SUMF1: variants seen among roughly 807,000 people sequenced by gnomAD.
SUMF1 encodes formylglycine-generating enzyme.
In SUMF1, 48 loss-of-function variants were observed where a neutral mutation model predicts 47.6. The ratio of observed to expected loss-of-function variants is 1.01; its 90% CI spans 0.80 to 1.28. SUMF1 has a LOEUF of 1.28. Among genes scored for constraint, SUMF1 ranks in the 50% most tolerant of loss-of-function variants. The pLI is 0.00. For synonymous variants in SUMF1, 230 were observed against 192.1 expected, an observed-to-expected ratio of 1.20 and a Z score of -1.63; for missense variants, 571 against 485.4, an observed-to-expected ratio of 1.18 and a Z score of -1.66.
chr3:4,133,066 A>T (rs924254596), intron 8 of SUMF1, among the ~76,000 whole-genome samples: 2 of 152,212 alleles, frequency 1.3e-5, no homozygotes, highest in African/African-American at 4.8e-5. Flanking sequence ...AGTCATTAAT[A>T]TCAGCTATGA....
chr3:4,289,015 A>G (rs1309055829), intron 8 of SUMF1, among the ~76,000 whole-genome samples: 1 of 152,192 alleles, frequency 6.6e-6, no homozygotes, highest in Non-Finnish European at 1.5e-5. Flanking sequence ...ATTATCACAC[A>G]ACCTTTTCTG....
intron 8 of SUMF1, among the ~76,000 whole-genome samples, chr3:4,224,101 G>C (rs957653733): frequency 6.6e-6 from 1 of 152,022 alleles, no homozygotes; most frequent in Non-Finnish European, 1.5e-5. Context: ...CCAATTGAGG[G>C]GAACAGTGCA....
At chr3:4,435,361 A>G (rs764409570) in intron 3 of SUMF1, among the ~76,000 whole-genome samples, 1 of 152,232 alleles carries the variant, frequency 6.6e-6, no homozygotes, top group Non-Finnish European at 1.5e-5. Context: ...TCTGAAGAAC[A>G]CAGAGAAAAG....
At chr3:4,254,022 G>T (rs1361207670) in intron 8 of SUMF1, among the ~76,000 whole-genome samples, 1 of 150,986 alleles carries the variant, frequency 6.6e-6, no homozygotes, top group African/African-American at 2.4e-5. Flanking sequence ...ACACACAGCA[G>T]GGTATTCCAA....
chr3:4,253,156 T>C (rs1215460233), intron 8 of SUMF1, among the ~76,000 whole-genome samples: 1 of 152,232 alleles, frequency 6.6e-6, no homozygotes, highest in Non-Finnish European at 1.5e-5. Context: ...TCAGTTTGGT[T>C]CACTTTCCAT....
intron 9 of SUMF1, among the ~76,000 whole-genome samples, chr3:4,035,883 G>A (rs1694784091): frequency 2.1e-4 from 1 of 4,874 alleles, no homozygotes; most frequent in South Asian, 0.25. Context: ...TGTGAGATAT[G>A]TTAGAGACAC....
Position 4,254,879 on chromosome 3 carries a change from C to T in SUMF1, c.1014+121451G>A, listed in dbSNP as rs1193272208. Among the ~76,000 whole-genome samples the T allele has an allele frequency of 2.6e-5, 4 of 152,128 alleles. No individual in the cohort carries two copies. In the South Asian group the frequency reaches 6.2e-4, roughly 24 times the overall value. On this transcript the variant is annotated intron_variant and NMD_transcript_variant, in intron 8 of 12. Coordinates refer to the SUMF1 transcript ENST00000448413. ...CAGCCAGAGAGAAAGGTCGGGTTAC[C>T]CTCAAAGGGAAGCCCATCAGACTTA...
chr3:4,229,078 C>A (rs1696239380), intron 8 of SUMF1, among the ~76,000 whole-genome samples: 1 of 152,156 alleles, frequency 6.6e-6, no homozygotes. Flanking sequence ...TAGATGAAAA[C>A]GGCAACTAGC....
intron 1 of SUMF1, among the ~76,000 whole-genome samples, chr3:4,459,040 G>A (rs1422264031): frequency 6.6e-6 from 1 of 152,114 alleles, no homozygotes; most frequent in Non-Finnish European, 1.5e-5. Flanking sequence ...CTGGGGGAGA[G>A]GGGAAGATGG....
chr3:4,054,003 C>T (rs939789205), intron 9 of SUMF1, among the ~76,000 whole-genome samples: 2 of 152,068 alleles, frequency 1.3e-5, no homozygotes, highest in Non-Finnish European at 2.9e-5. Flanking sequence ...CCATCCATCA[C>T]AAAACTCGTC....
intron 8 of SUMF1, among the ~76,000 whole-genome samples, chr3:4,366,762 A>T (rs1007250657): frequency 3.3e-5 from 5 of 151,750 alleles, no homozygotes; most frequent in Non-Finnish European, 5.9e-5. Context: ...CTGGTGAGGA[A>T]CTGCGTTCCT....
intron 8 of SUMF1, among the ~76,000 whole-genome samples, chr3:4,282,390 G>A (rs1383213655): frequency 6.6e-6 from 1 of 152,304 alleles, no homozygotes; most frequent in Non-Finnish European, 1.5e-5. Flanking sequence ...GGGAAAGGAT[G>A]TGGAGTTAAT....
intron 8 of SUMF1, among the ~76,000 whole-genome samples, chr3:4,215,906 G>A (rs977524271): frequency 1.3e-4 from 20 of 152,100 alleles, no homozygotes; most frequent in Non-Finnish European, 2.2e-4. Flanking sequence ...CAAACAAATG[G>A]AAAAACATTC....
intron 8 of SUMF1, among the ~76,000 whole-genome samples, chr3:4,304,855 TC>T (rs893369558): frequency 1.3e-5 from 2 of 152,004 alleles, no homozygotes; most frequent in Admixed American, 1.3e-4. Flanking sequence ...AGAACATGTG[TC>T]CCAGGTGGTT....
chr3:4,053,230 G>A (rs891028946), intron 9 of SUMF1, among the ~76,000 whole-genome samples: 2 of 152,160 alleles, frequency 1.3e-5, no homozygotes, highest in Non-Finnish European at 2.9e-5. Flanking sequence ...CAGCCTGTCA[G>A]TGGAGAAGCC....
At position 4,303,906 on chromosome 3, in the gene SUMF1, C is replaced by A. The variant is rs375848723; in HGVS notation, c.1014+72424G>T. On this transcript the variant is annotated intron_variant and NMD_transcript_variant, in intron 8 of 12. Coordinates refer to the SUMF1 transcript ENST00000448413. ...GTGGGGCCTATTAATGGATCGCAGC[C>A]GGTGTCGTGCATAAAAACAGCCCCT... The A allele has an allele frequency of 2.6e-5, 32 of 1,223,834 alleles. No homozygotes were observed. In the African/African-American group the frequency reaches 4.1e-4, roughly 16 times the overall value. 75.8% of individuals were successfully genotyped at this position (1,223,834 alleles called of 1,614,324 possible).
At chr3:4,149,543 C>A (rs1031841853) in intron 8 of SUMF1, among the ~76,000 whole-genome samples, 1 of 152,150 alleles carries the variant, frequency 6.6e-6, no homozygotes, top group African/African-American at 2.4e-5. Context: ...CTGGAGGCAA[C>A]ATGTTCCTCT....
At chr3:4,246,161 C>T (rs912809017) in intron 8 of SUMF1, among the ~76,000 whole-genome samples, 2 of 152,168 alleles carry the variant, frequency 1.3e-5, no homozygotes, top group African/African-American at 4.8e-5. Flanking sequence ...CAGTTACAGT[C>T]ACTCATGGCT....
rs143979892 is a variant in SUMF1 at position 4,205,510 on chromosome 3, G to C, written c.1015-136765C>G. 3.0e-3 allele frequency among the ~76,000 whole-genome samples: 460 copies of C among 152,254 alleles called. 3 individuals are homozygous for C. The highest frequency in any genetic ancestry group is 0.01 in the African/African-American group (428 of 41,554). ...ATGATGTCTGTGCATTAAAGAGCTAGGGATTTATTCTATTCTTCACACTCT... is the reference window on the plus strand; with the variant it reads ...ATGATGTCTGTGCATTAAAGAGCTACGGATTTATTCTATTCTTCACACTCT... On this transcript the variant is annotated intron_variant and NMD_transcript_variant, in intron 8 of 12. Transcript: ENST00000448413.
Sources: gnomAD v4.1 joint callset for allele counts (sites outside exome capture counted in the v4.1 genomes callset) on GRCh38, gnomAD v4.1.1 for gene constraint, MANE v1.5 for transcripts, NCBI Gene and HGNC (gene_info 2026-07-23, HGNC 2026-07-21) for gene names.